KATNAL1: variants seen among roughly 807,000 people sequenced by gnomAD.
KATNAL1 encodes the protein katanin p60 ATPase-containing subunit A-like 1.
KATNAL1 carries 32 observed loss-of-function variants against 55.2 expected under a neutral mutation model. The observed-to-expected ratio is 0.58, with a 90% confidence interval of 0.44 to 0.78. The LOEUF (loss-of-function observed/expected upper bound fraction) is 0.78. KATNAL1 is among the 30% of genes least tolerant of loss of function. KATNAL1 has a pLI of 0.00. For synonymous variants in KATNAL1, 193 were observed against 193.6 expected, an observed-to-expected ratio of 1.00 and a Z score of 0.02; for missense variants, 466 against 600.9, an observed-to-expected ratio of 0.78 and a Z score of 2.35.
intron 8 of KATNAL1, among the ~76,000 whole-genome samples, chr13:30,230,204 T>C (rs1875952513): frequency 6.6e-6 from 1 of 152,210 alleles, no homozygotes; most frequent in African/African-American, 2.4e-5. Context: ...CTCTAGATCA[T>C]GCCTCCAGAA....
At chr13:30,248,106 C>G (rs652053) in intron 4 of KATNAL1, among the ~76,000 whole-genome samples, 43,507 of 152,086 alleles carry the variant, frequency 0.29, 7,488 homozygotes, top group Admixed American at 0.44. Flanking sequence ...CTAAAGCACT[C>G]TCACTTGGCA....
At chr13:30,239,060 A>G (rs1368666679) in intron 6 of KATNAL1, among the ~76,000 whole-genome samples, 2 of 152,194 alleles carry the variant, frequency 1.3e-5, no homozygotes, top group East Asian at 1.9e-4. Context: ...TTTTGAGACC[A>G]ATTTTAGAAG....
intron 4 of KATNAL1, among the ~76,000 whole-genome samples, chr13:30,246,925 C>G (rs1877851806): frequency 6.6e-6 from 1 of 151,984 alleles, no homozygotes. Flanking sequence ...TGTTAGTTCC[C>G]CACTTTCATG....
intron 3 of KATNAL1, among the ~76,000 whole-genome samples, chr13:30,264,356 A>G (rs1879563796): frequency 1.5e-5 from 2 of 129,504 alleles, no homozygotes; most frequent in Non-Finnish European, 3.3e-5. Context: ...CAATGGCAAC[A>G]AAAGACAAAA....
chr13:30,240,614 T>C, intron 5 of KATNAL1, 49 bp from the exon 6 acceptor site: 1 of 1,278,394 alleles, frequency 7.8e-7, no homozygotes, highest in Non-Finnish European at 1.1e-6. Flanking sequence ...GGATCTTTGA[T>C]TTATGGTCAA....
At chr13:30,291,106 C>T (rs527263270) in intron 1 of KATNAL1, among the ~76,000 whole-genome samples, 9 of 152,122 alleles carry the variant, frequency 5.9e-5, no homozygotes, top group African/African-American at 1.7e-4. Context: ...TGCAATAAGG[C>T]GATACAAAAA....
intron 1 of KATNAL1, among the ~76,000 whole-genome samples, chr13:30,285,041 T>C (rs76965514): frequency 0.057 from 8,639 of 152,264 alleles, 368 homozygotes; most frequent in East Asian, 0.25. Context: ...AACTTTGGTT[T>C]GGGGAGCCTG....
In KATNAL1 at chr13:30,297,099, C is replaced by T. The variant is rs556632775; in HGVS notation, c.-15+10232G>A. Among the ~76,000 whole-genome samples, 4 of 150,182 alleles carry T rather than the reference C, an allele frequency of 2.7e-5. No homozygotes were observed. In the East Asian group the frequency reaches 7.8e-4, roughly 29 times the overall value. ...GCAGTAAGTTATGATCACACCACTA[C>T]GCTCCAGCCCTCCAGCCTGGGTGAC... On this transcript the variant is annotated intron_variant, in intron 1 of 10. Transcript: ENST00000380615.
chr13:30,281,872 T>TA (rs1249606640), intron 2 of KATNAL1: 1 of 152,232 alleles, frequency 6.6e-6, no homozygotes, highest in Non-Finnish European at 1.5e-5. Context: ...GTATTTTTTT[T>TA]ACTTAACGTT....
intron 3 of KATNAL1, among the ~76,000 whole-genome samples, chr13:30,268,919 G>A (rs908169087): frequency 7.2e-5 from 11 of 152,126 alleles, no homozygotes; most frequent in African/African-American, 2.7e-4. Flanking sequence ...TGGGGGTAAA[G>A]CAGCAAACAA....
intron 1 of KATNAL1, among the ~76,000 whole-genome samples, chr13:30,302,470 T>C (rs1882917381): frequency 6.6e-6 from 1 of 151,664 alleles, no homozygotes; most frequent in African/African-American, 2.4e-5. Context: ...ACTGATTCTC[T>C]CATTCATTTC....
At chr13:30,239,435 G>T (rs1877025450) in intron 6 of KATNAL1, among the ~76,000 whole-genome samples, 1 of 151,906 alleles carries the variant, frequency 6.6e-6, no homozygotes, top group African/African-American at 2.4e-5. Flanking sequence ...TACATTTATT[G>T]TCCCATTTCA....
chr13:30,305,568 T>C (rs917940866), intron 1 of KATNAL1, among the ~76,000 whole-genome samples: 9 of 152,252 alleles, frequency 5.9e-5, no homozygotes, highest in African/African-American at 2.2e-4. Flanking sequence ...GCTATGATTT[T>C]GAGCAAGGCC....
At chr13:30,253,478 A>G (rs1029880180) in intron 4 of KATNAL1, among the ~76,000 whole-genome samples, 1 of 152,086 alleles carries the variant, frequency 6.6e-6, no homozygotes, top group African/African-American at 2.4e-5. Flanking sequence ...CCTGGCTAAC[A>G]TGGTGAAACA....
chr13:30,209,968 G>A (rs189203458), intron 10 of KATNAL1, among the ~76,000 whole-genome samples: 5 of 152,052 alleles, frequency 3.3e-5, no homozygotes, highest in Admixed American at 2.0e-4. Context: ...TTTTTTAGTA[G>A]AGGCGGGGTT....
At chr13:30,214,556 T>G (rs2137350406) in intron 9 of KATNAL1, among the ~76,000 whole-genome samples, 1 of 152,312 alleles carries the variant, frequency 6.6e-6, no homozygotes, top group African/African-American at 2.4e-5. Flanking sequence ...AACAGCATGG[T>G]ACTGGTACCA....
chr13:30,275,304 C>T (rs1224721994), intron 3 of KATNAL1, among the ~76,000 whole-genome samples: 1 of 152,130 alleles, frequency 6.6e-6, no homozygotes, highest in South Asian at 2.1e-4. Flanking sequence ...CAGTGCTGCA[C>T]TCTTGTAAAC....
At chr13:30,276,615 T>C (rs1880866210) in intron 3 of KATNAL1, among the ~76,000 whole-genome samples, 6 of 152,190 alleles carry the variant, frequency 3.9e-5, no homozygotes, top group Admixed American at 3.9e-4. Context: ...GCTTAGAAAG[T>C]TCTTTTTAGT....
At chr13:30,210,009 C>T (rs1316793068) in intron 10 of KATNAL1, among the ~76,000 whole-genome samples, 1 of 152,048 alleles carries the variant, frequency 6.6e-6, no homozygotes, top group Non-Finnish European at 1.5e-5. Context: ...GTCTCGATCT[C>T]CTGACCTCGT....
Sources: allele counts gnomAD v4.1 joint callset (sites outside exome capture counted in the v4.1 genomes callset), GRCh38; gene constraint gnomAD v4.1.1; transcripts MANE v1.5; gene names NCBI Gene and HGNC (gene_info 2026-07-23, HGNC 2026-07-21).